Variants in CNDP1 observed in about 807,000 individuals in gnomAD.
CNDP1 encodes the protein carnosine dipeptidase 1, also known as beta-Ala-His dipeptidase.
In CNDP1, 44 loss-of-function variants were observed where a neutral mutation model predicts 58.1. That is an observed-to-expected ratio of 0.76 (90% CI 0.60 to 0.97). The LOEUF (loss-of-function observed/expected upper bound fraction) is 0.97, where lower values mean the gene tolerates loss of function less well. CNDP1 is among the 50% of genes least tolerant of loss of function. CNDP1 has a pLI of 0.00. For missense variants in CNDP1, 616 were observed against 655.1 expected (o/e 0.94, Z 0.65); for synonymous variants, 254 against 252.6 (o/e 1.01, Z -0.05).
intron 7 of CNDP1, among the ~76,000 whole-genome samples, chr18:74,575,034 T>G (rs11875787): frequency 0.67 from 96,217 of 143,020 alleles, 32,506 homozygotes; most frequent in African/African-American, 0.83. Flanking sequence ...AAGGGAGGGA[T>G]GGAGGGAAGG....
At chr18:74,551,829 A>G (rs1253980514) in intron 1 of CNDP1, among the ~76,000 whole-genome samples, 1 of 151,958 alleles carries the variant, frequency 6.6e-6, no homozygotes, top group Non-Finnish European at 1.5e-5. Flanking sequence ...GGAACACCAA[A>G]TAATTTTTTT....
intron 10 of CNDP1, 95 bp downstream of exon 10, chr18:74,580,366 A>T: frequency 1.6e-6 from 2 of 1,236,458 alleles, no homozygotes; most frequent in Non-Finnish European, 2.3e-6. Flanking sequence ...TTTAAAACTC[A>T]GAAATCAACT....
At position 74,542,799 on chromosome 18, in the gene CNDP1, G is replaced by T. The variant is rs148586662; in HGVS notation, c.24+8108G>T. Among the ~76,000 whole-genome samples the T allele has an allele frequency of 2.0e-3, 298 of 152,304 alleles. 2 individuals are homozygous for T. Among genetic ancestry groups the T allele is most frequent in the Middle Eastern group, 6.8e-3 (2 of 294 alleles). On this transcript the variant is annotated intron_variant, in intron 1 of 11. Transcript: ENST00000358821. ...GCCTCCTACCTTGGCTTCCCAAAAT[G>T]CTGGGATTACAGGTGTGTGCCACTA...
chr18:74,553,383 T>C (rs1265613661), intron 1 of CNDP1, among the ~76,000 whole-genome samples: 2 of 152,182 alleles, frequency 1.3e-5, no homozygotes, highest in Non-Finnish European at 2.9e-5. Flanking sequence ...TTAAGAGTTG[T>C]ATGGTTTTAG....
chr18:74,548,305 C>T (rs1980814445), intron 1 of CNDP1, among the ~76,000 whole-genome samples: 1 of 152,108 alleles, frequency 6.6e-6, no homozygotes, highest in African/African-American at 2.4e-5. Flanking sequence ...GTGCTGTCCT[C>T]ACAATAGTGA....
At chr18:74,570,371 C>T (rs1403472431) in intron 6 of CNDP1, among the ~76,000 whole-genome samples, 1 of 152,114 alleles carries the variant, frequency 6.6e-6, no homozygotes, top group African/African-American at 2.4e-5. Flanking sequence ...AGACTTTGAT[C>T]TGGGCAGAGC....
chr18:74,574,457 T>C (rs12456406), intron 7 of CNDP1, among the ~76,000 whole-genome samples: 97,286 of 152,142 alleles, frequency 0.64, 31,832 homozygotes, highest in African/African-American at 0.77. Context: ...AAGGCCATTG[T>C]ACCAAGGGCA....
chr18:74,571,278 C>CTTATTTTG lies in CNDP1; in HGVS notation c.841+11_841+18dup. ...ATCTGGTTGCTCTTCTCGGTAATGC[C>CTTATTTTG]TTATTTTGTTTCACTTTTTAAGCAT... On this transcript the variant is annotated intron_variant, in intron 7 of 11. Coordinates refer to ENST00000358821, the MANE Select transcript of CNDP1 (RefSeq NM_032649.6). The CTTATTTTG allele has an allele frequency of 6.3e-7, 1 of 1,588,046 alleles. No homozygotes were observed. The highest frequency in any genetic ancestry group is 8.6e-7 in the Non-Finnish European group (1 of 1,156,702).
chr18:74,537,173 A>T (rs1980506012), intron 1 of CNDP1, among the ~76,000 whole-genome samples: 1 of 152,060 alleles, frequency 6.6e-6, no homozygotes, highest in African/African-American at 2.4e-5. Flanking sequence ...CTTTTGTTGC[A>T]ATTGCTTTTG....
Position 74,578,223 on chromosome 18 carries a change from G to A in CNDP1, c.1063G>A (p.Ala355Thr), listed in dbSNP as rs142187241. Reference sequence around the variant, plus strand: ...TCTTTCTATTCATGGGATCGAGGGCGCGTTTGATGAGCCTGGAACTAAAAC... The same window carrying A: ...TCTTTCTATTCATGGGATCGAGGGCACGTTTGATGAGCCTGGAACTAAAAC... ...PSLSIHGIEGAFDEPGTKTVI... is the reference protein window; with the variant it reads ...PSLSIHGIEGTFDEPGTKTVI... The change falls in exon 9 of 12, where the codon GCG (alanine) becomes ACG (threonine). Residue 355 changes from alanine (A) to threonine (T), a missense_variant. Transcript: ENST00000358821. 1,933 of 1,614,036 alleles carry A rather than the reference G, an allele frequency of 1.2e-3. 15 individuals are homozygous for A. In the African/African-American group the frequency reaches 0.022, roughly 19 times the overall value.
intron 1 of CNDP1, among the ~76,000 whole-genome samples, chr18:74,554,954 C>T (rs1456121664): frequency 1.3e-5 from 2 of 151,960 alleles, no homozygotes; most frequent in Non-Finnish European, 2.9e-5. Flanking sequence ...GCAACATCGG[C>T]GGGGCCACAC....
chr18:74,578,901 G>A (rs1981702868), intron 9 of CNDP1, among the ~76,000 whole-genome samples: 1 of 152,106 alleles, frequency 6.6e-6, no homozygotes, highest in African/African-American at 2.4e-5. Flanking sequence ...TCTAGAAGGA[G>A]TTATGTGTCC....
intron 5 of CNDP1, among the ~76,000 whole-genome samples, chr18:74,563,191 G>T (rs566148123): frequency 1.3e-5 from 2 of 152,264 alleles, no homozygotes; most frequent in East Asian, 3.9e-4. Flanking sequence ...TAAGTACTCT[G>T]ACTTCACTCC....
At chr18:74,549,027 T>G (rs1185403416) in intron 1 of CNDP1, among the ~76,000 whole-genome samples, 1 of 152,232 alleles carries the variant, frequency 6.6e-6, no homozygotes, top group African/African-American at 2.4e-5. Context: ...AAAGTTGGAA[T>G]TTATATTTAA....
chr18:74,578,475 A>G (rs1280692174), intron 9 of CNDP1, 148 bp downstream of exon 9: 3 of 805,326 alleles, frequency 3.7e-6, no homozygotes, highest in African/African-American at 3.5e-5. Flanking sequence ...TCAAGAAACC[A>G]ATATTGCCCA....
intron 9 of CNDP1, among the ~76,000 whole-genome samples, chr18:74,579,208 C>G (rs879680009): frequency 0.013 from 504 of 37,944 alleles, 1 homozygote; most frequent in South Asian, 0.032. Context: ...CCCTTGCCTT[C>G]CCTTCCCTTC....
intron 3 of CNDP1, 107 bp downstream of exon 3, chr18:74,559,579 C>T (rs911380688): frequency 9.6e-6 from 9 of 934,142 alleles, no homozygotes; most frequent in South Asian, 1.8e-5. Flanking sequence ...AACCACAACC[C>T]CCCATAACCC....
chr18:74,565,951 A>C (rs867248930), intron 5 of CNDP1, among the ~76,000 whole-genome samples: 1 of 152,226 alleles, frequency 6.6e-6, no homozygotes. Flanking sequence ...CTGGGCATCC[A>C]AGCATTTCCA....
chr18:74,538,600 TGAG>T (rs1980540800), intron 1 of CNDP1, among the ~76,000 whole-genome samples: 1 of 152,206 alleles, frequency 6.6e-6, no homozygotes, highest in South Asian at 2.1e-4. Flanking sequence ...GATCAGTGTC[TGAG>T]GAACTGCCAG....
Sources: gnomAD v4.1 joint callset for allele counts (sites outside exome capture counted in the v4.1 genomes callset) on GRCh38, gnomAD v4.1.1 for gene constraint, MANE v1.5 for transcripts, NCBI Gene and HGNC (gene_info 2026-07-23, HGNC 2026-07-21) for gene names.